The following COQ8B variants were observed in gnomAD, a reference collection of about 807,000 sequenced individuals.
COQ8B encodes atypical kinase COQ8B, mitochondrial.
A neutral mutation model predicts 62.0 loss-of-function variants in COQ8B; 44 were observed. The ratio of observed to expected loss-of-function variants is 0.71; its 90% CI spans 0.56 to 0.91. COQ8B has a LOEUF of 0.91. Among genes scored for constraint, COQ8B ranks in the 40% least tolerant of loss-of-function variants. COQ8B has a pLI of 0.00. For missense variants in COQ8B, 649 were observed against 731.6 expected, an observed-to-expected ratio of 0.89 and a Z score of 1.30; for synonymous variants, 252 against 289.9, an observed-to-expected ratio of 0.87 and a Z score of 1.33.
At chr19:40,712,484 A>T (rs1458568021) in intron 4 of COQ8B, among the ~76,000 whole-genome samples, 1 of 151,758 alleles carries the variant, frequency 6.6e-6, no homozygotes, top group African/African-American at 2.4e-5. Context: ...GCTACTCAGG[A>T]GGCTGAGGCA....
At chr19:40,713,121 G>A (rs981745935) in intron 4 of COQ8B, among the ~76,000 whole-genome samples, 3 of 152,224 alleles carry the variant, frequency 2.0e-5, no homozygotes, top group Non-Finnish European at 2.9e-5. Flanking sequence ...CAACACTTTG[G>A]GAGGCCGAAG....
At chr19:40,692,402 G>A (rs2081979654) in intron 14 of COQ8B, 29 bp from the exon 15 acceptor site, 1 of 1,602,102 alleles carries the variant, frequency 6.2e-7, no homozygotes, top group Non-Finnish European at 8.5e-7. Flanking sequence ...GGAGAGCAAA[G>A]GCAGCCAGTG....
At position 40,714,122 on chromosome 19, in the gene COQ8B, G is replaced by A. The variant is rs774778768; in HGVS notation, c.234C>T (p.Arg78=). ...AGGCAGGCACCTTGCGTTCTCGAGA[G>A]CGGTCACTCAGCTGGGAAATGGGGA... ...RKTPRPQLSD[R]SRERKVPASR... Residue 78 remains arginine, a synonymous_variant, in exon 4 of 15, where the codon CGC becomes CGT. Coordinates refer to ENST00000324464, the MANE Select transcript of COQ8B (RefSeq NM_024876.4). 2 of 1,614,206 alleles carry A rather than the reference G, an allele frequency of 1.2e-6. No individual in the cohort carries two copies. Among genetic ancestry groups the A allele is most frequent in the East Asian group, 2.2e-5 (1 of 44,874 alleles).
At chr19:40,713,127 C>T (rs567613525) in intron 4 of COQ8B, among the ~76,000 whole-genome samples, 117 of 152,306 alleles carry the variant, frequency 7.7e-4, no homozygotes, top group Middle Eastern at 3.4e-3. Context: ...TTTGGGAGGC[C>T]GAAGTGGGTG....
At chr19:40,693,718 T>C (rs2081991425) in intron 13 of COQ8B, among the ~76,000 whole-genome samples, 1 of 152,132 alleles carries the variant, frequency 6.6e-6, no homozygotes, top group South Asian at 2.1e-4. Flanking sequence ...CATGGGGCTG[T>C]TGGGAGGATA....
chr19:40,694,919 T>G (rs1320978242), intron 13 of COQ8B, among the ~76,000 whole-genome samples: 3 of 152,132 alleles, frequency 2.0e-5, no homozygotes, highest in African/African-American at 7.2e-5. Context: ...CACTGTCGCC[T>G]CACTGACTAT....
At chr19:40,706,846 C>T (rs1182592746) in intron 5 of COQ8B, among the ~76,000 whole-genome samples, 1 of 152,188 alleles carries the variant, frequency 6.6e-6, no homozygotes, top group Admixed American at 6.5e-5. Flanking sequence ...CTCATTCTAA[C>T]AGTTTTATTG....
intron 2 of COQ8B, 34 bp from the exon 3 acceptor site, chr19:40,714,431 A>C (rs1407769247): frequency 1.4e-5 from 23 of 1,612,408 alleles, no homozygotes; most frequent in Non-Finnish European, 1.9e-5. Flanking sequence ...GGAGGGGAGG[A>C]CATGGGATCA....
At chr19:40,715,834 T>C (rs1316750092) in intron 1 of COQ8B, 1 of 134,090 alleles carries the variant, frequency 7.5e-6, no homozygotes, top group African/African-American at 3.1e-5. Flanking sequence ...TCCCATCCTA[T>C]CTTTCTTTCT....
At chr19:40,713,776 C>T (rs1454711247) in intron 4 of COQ8B, among the ~76,000 whole-genome samples, 5 of 148,942 alleles carry the variant, frequency 3.4e-5, no homozygotes, top group Middle Eastern at 3.6e-3. Context: ...CCCAGCTACT[C>T]AGGAGGCTGA....
Position 40,700,132 on chromosome 19 carries a change from C to CA in COQ8B, c.1077dup (p.Glu360Ter), listed in dbSNP as rs747867828. On this transcript the variant is annotated frameshift_variant, in exon 12 of 15. Coordinates refer to ENST00000324464, the MANE Select transcript of COQ8B (RefSeq NM_024876.4). LOFTEE classifies it high-confidence loss of function. Reference sequence around the variant, plus strand: ...GGGTCAGTCTGCATGAATCGGAACTCAAACAGCTCCCGCAGACACAGCGTC... The same window carrying CA: ...GGGTCAGTCTGCATGAATCGGAACTCAAAACAGCTCCCGCAGACACAGCGTC... 6 of 1,614,124 alleles carry CA rather than the reference C, an allele frequency of 3.7e-6. No individual in the cohort carries two copies. The Admixed American group carries it at 5.0e-5, about 13-fold the overall frequency.
intron 3 of COQ8B, 48 bp from the exon 4 acceptor site, chr19:40,714,181 C>G: frequency 6.2e-7 from 1 of 1,612,752 alleles, no homozygotes; most frequent in African/African-American, 1.3e-5. Context: ...GGCATCGTGG[C>G]CAGAGAGTGC....
rs2081978541 is a variant in COQ8B, at chr19:40,692,347, T to G, written c.1323A>C (p.Ala441=). 6.2e-7 allele frequency: 1 copy of G among 1,613,532 alleles called. No individual in the cohort carries two copies. The highest frequency in any genetic ancestry group is 1.3e-5 in the African/African-American group (1 of 74,966). ...TKAFSDAHVE[A]VMILGEPFAT... Reference sequence around the variant, plus strand: ...CGAAAGGCTCCCCCAGGATCATCACTGCCTCCACGTGGGCGTCGGAGAATG... The same window carrying G: ...CGAAAGGCTCCCCCAGGATCATCACGGCCTCCACGTGGGCGTCGGAGAATG... Residue 441 remains alanine (A), a synonymous_variant, in exon 15 of 15, where the codon GCA becomes GCC. Coordinates refer to ENST00000324464, the MANE Select transcript of COQ8B (RefSeq NM_024876.4).
chr19:40,699,220 T>A (rs1295120507), intron 12 of COQ8B, among the ~76,000 whole-genome samples: 1 of 151,874 alleles, frequency 6.6e-6, no homozygotes, highest in Non-Finnish European at 1.5e-5. Context: ...CTCGACCTCC[T>A]GGGCTCAAGC....
chr19:40,700,214 C>T, intron 11 of COQ8B, 40 bp from the exon 12 acceptor site: 1 of 1,613,586 alleles, frequency 6.2e-7, no homozygotes, highest in East Asian at 2.2e-5. Context: ...AGTGTGATCT[C>T]CCTTGTGGTG....
chr19:40,710,439 G>A (rs1044499240), intron 4 of COQ8B, among the ~76,000 whole-genome samples: 1 of 151,976 alleles, frequency 6.6e-6, no homozygotes, highest in Non-Finnish European at 1.5e-5. Context: ...TAGTAGAGAC[G>A]GGGTTTCACC....
intron 14 of COQ8B, 22 bp from the exon 15 acceptor site, chr19:40,692,395 G>T: frequency 6.2e-7 from 1 of 1,607,218 alleles, no homozygotes; most frequent in Non-Finnish European, 8.5e-7. Context: ...GGTGGGGGGA[G>T]AGCAAAGGCA....
intron 4 of COQ8B, among the ~76,000 whole-genome samples, chr19:40,711,977 C>A (rs1410461705): frequency 6.6e-6 from 1 of 152,010 alleles, no homozygotes; most frequent in African/African-American, 2.4e-5. Flanking sequence ...CTAACCAGTG[C>A]CTTTGACTGC....
intron 12 of COQ8B, 60 bp from the exon 13 acceptor site, chr19:40,696,114 TG>T (rs1206653961): frequency 1.3e-6 from 2 of 1,569,456 alleles, no homozygotes; most frequent in African/African-American, 2.7e-5. Flanking sequence ...CACTGTCTAT[TG>T]GGGCAGCCAG....
Sources: gnomAD v4.1 joint callset for allele counts (sites outside exome capture counted in the v4.1 genomes callset) on GRCh38, gnomAD v4.1.1 for gene constraint, MANE v1.5 for transcripts, NCBI Gene and HGNC (gene_info 2026-07-23, HGNC 2026-07-21) for gene names.